The following ABCC4 variants were observed in gnomAD, a reference collection of about 807,000 sequenced individuals.
The protein encoded by ABCC4 is ATP-binding cassette sub-family C member 4.
ABCC4 carries 102 observed loss-of-function variants against 168.5 expected under a neutral mutation model. The observed-to-expected ratio is 0.61, with a 90% confidence interval of 0.52 to 0.71. The LOEUF is 0.71. ABCC4 is among the 30% of genes least tolerant of loss of function. The pLI is 0.00. For synonymous variants in ABCC4, 617 were observed against 590.7 expected, an observed-to-expected ratio of 1.04 and a Z score of -0.65; for missense variants, 1,402 against 1,605.8, an observed-to-expected ratio of 0.87 and a Z score of 2.17.
At chr13:95,207,723 T>C in intron 7 of ABCC4, 77 bp downstream of exon 7, 3 of 1,492,208 alleles carry the variant, frequency 2.0e-6, no homozygotes, top group Non-Finnish European at 2.7e-6. Context: ...GAAAACATAG[T>C]AAAACTTCTA....
intron 13 of ABCC4, among the ~76,000 whole-genome samples, chr13:95,173,137 A>C (rs1189459): frequency 0.13 from 19,466 of 152,208 alleles, 1,359 homozygotes; most frequent in East Asian, 0.21. Flanking sequence ...TAGTAAAGTA[A>C]ACCATGAAGA....
chr13:95,292,519 G>A (rs1003230024), intron 1 of ABCC4, among the ~76,000 whole-genome samples: 1 of 152,184 alleles, frequency 6.6e-6, no homozygotes, highest in African/African-American at 2.4e-5. Flanking sequence ...TTGATTCACA[G>A]ATCATTCTTT....
chr13:95,043,657 G>A lies in ABCC4; in HGVS notation c.3735+25C>T, dbSNP rs568783673. The A allele has an allele frequency of 2.6e-6, 4 of 1,560,304 alleles. No individual in the cohort carries two copies. In the African/African-American group the frequency reaches 5.4e-5, roughly 21 times the overall value. ...AAAGTGAACATAATTGGGAGCAACA[G>A]GAATTCCGCAGGTGAAGGACTCACC... is the stretch of plus-strand genomic sequence containing the variant. On this transcript the variant is annotated intron_variant, in intron 29 of 30. Transcript: ENST00000645237.
At chr13:95,293,591 C>T (rs187979147) in intron 1 of ABCC4, among the ~76,000 whole-genome samples, 105 of 150,270 alleles carry the variant, frequency 7.0e-4, no homozygotes, top group African/African-American at 2.3e-3. Flanking sequence ...CTCAGCCTCT[C>T]GAGTAGCTGG....
intron 8 of ABCC4, among the ~76,000 whole-genome samples, chr13:95,202,643 A>ATTTT (rs1329027186): frequency 1.2e-5 from 1 of 84,718 alleles, no homozygotes; most frequent in South Asian, 3.4e-4. Context: ...AAGAATGTGC[A>ATTTT]CTTTTTTTTT....
At chr13:95,213,346 G>A (rs1431888173) in intron 4 of ABCC4, among the ~76,000 whole-genome samples, 4 of 152,238 alleles carry the variant, frequency 2.6e-5, no homozygotes, top group African/African-American at 9.6e-5. Flanking sequence ...TTATGCCTGA[G>A]GACATTTTCT....
intron 22 of ABCC4, 176 bp downstream of exon 22, chr13:95,075,256 G>A (rs965635632): frequency 6.5e-6 from 5 of 775,084 alleles, no homozygotes; most frequent in East Asian, 5.3e-5. Flanking sequence ...CAGCGATTCC[G>A]AGAGGAGTCC....
chr13:95,256,363 T>G (rs953443183), intron 1 of ABCC4, among the ~76,000 whole-genome samples: 1 of 152,208 alleles, frequency 6.6e-6, no homozygotes, highest in Non-Finnish European at 1.5e-5. Flanking sequence ...CCATACTATA[T>G]AGTCAGCAAG....
At chr13:95,110,281 C>T (rs930487133) in intron 20 of ABCC4, among the ~76,000 whole-genome samples, 22 of 147,262 alleles carry the variant, frequency 1.5e-4, no homozygotes, top group Non-Finnish European at 3.1e-4. Flanking sequence ...TGCACTCCAG[C>T]CTGGGTGATA....
At chr13:95,270,340 G>GA (rs10583122) in intron 1 of ABCC4, among the ~76,000 whole-genome samples, 1 of 130,580 alleles carries the variant, frequency 7.7e-6, no homozygotes, top group Non-Finnish European at 1.6e-5. Flanking sequence ...ACCAGGCTGT[G>GA]AAAAAAAAAA....
chr13:95,136,193 C>T lies in ABCC4; in HGVS notation c.2456-20192G>A, dbSNP rs548121754. Among the ~76,000 whole-genome samples, 28 of 151,904 alleles carry T rather than the reference C, an allele frequency of 1.8e-4. No individual in the cohort carries two copies. In the South Asian group the frequency reaches 4.0e-3, roughly 21 times the overall value. ...ATTTTATTTATTTAGTGTTTTGAGA[C>T]GGGGGTTTTCACTCCCGTCTCAAAA... On this transcript the variant is annotated intron_variant, in intron 19 of 30. Transcript: ENST00000645237.
chr13:95,042,916 C>T (rs1331756525), intron 29 of ABCC4, among the ~76,000 whole-genome samples: 1 of 152,158 alleles, frequency 6.6e-6, no homozygotes, highest in Non-Finnish European at 1.5e-5. Flanking sequence ...ACTACAGGCG[C>T]CTGCCACCAC....
intron 13 of ABCC4, among the ~76,000 whole-genome samples, chr13:95,173,373 T>C (rs563601369): frequency 1.3e-5 from 2 of 152,322 alleles, no homozygotes; most frequent in Admixed American, 6.5e-5. Context: ...GAGCAGCTCA[T>C]TGAGGGCTGT....
chr13:95,287,874 C>A (rs1479239424), intron 1 of ABCC4, among the ~76,000 whole-genome samples: 5 of 151,866 alleles, frequency 3.3e-5, no homozygotes, highest in African/African-American at 1.2e-4. Context: ...AACCCCGTCT[C>A]TACTAAAACT....
chr13:95,022,745 C>T (rs2031164861), intron 30 of ABCC4, among the ~76,000 whole-genome samples: 1 of 152,138 alleles, frequency 6.6e-6, no homozygotes, highest in Admixed American at 6.5e-5. Context: ...TTGGTGGGTG[C>T]TGTCAACAAA....
intron 1 of ABCC4, among the ~76,000 whole-genome samples, chr13:95,276,156 A>G (rs2040965282): frequency 6.6e-6 from 1 of 152,204 alleles, no homozygotes; most frequent in African/African-American, 2.4e-5. Context: ...GTTCATGCCT[A>G]TAATCTCACT....
chr13:95,252,693 A>G (rs1232407658), intron 1 of ABCC4, among the ~76,000 whole-genome samples: 1 of 152,112 alleles, frequency 6.6e-6, no homozygotes, highest in Non-Finnish European at 1.5e-5. Context: ...CAAACAAACC[A>G]ACAAAGATAT....
intron 27 of ABCC4, among the ~76,000 whole-genome samples, chr13:95,050,073 C>T (rs2139257318): frequency 6.6e-6 from 1 of 152,290 alleles, no homozygotes; most frequent in Admixed American, 6.5e-5. Context: ...ACCATGGAGA[C>T]AGCAGAGAGA....
chr13:95,298,506 G>A (rs961669643), intron 1 of ABCC4, among the ~76,000 whole-genome samples: 1 of 152,128 alleles, frequency 6.6e-6, no homozygotes, highest in Non-Finnish European at 1.5e-5. Context: ...TGGAGAATCT[G>A]CATCTCTTAG....
Sources: gnomAD v4.1 joint callset for allele counts (sites outside exome capture counted in the v4.1 genomes callset) on GRCh38, gnomAD v4.1.1 for gene constraint, MANE v1.5 for transcripts, NCBI Gene and HGNC (gene_info 2026-07-23, HGNC 2026-07-21) for gene names.